ANKRD42: variants seen among roughly 807,000 people sequenced by gnomAD.
ANKRD42 encodes ankyrin repeat domain 42.
ANKRD42 carries 43 observed loss-of-function variants against 51.5 expected under a neutral mutation model. The observed-to-expected ratio is 0.83, with a 90% CI of 0.65 to 1.08. The LOEUF (loss-of-function observed/expected upper bound fraction) is 1.08. Among genes scored for constraint, ANKRD42 ranks in the 50% least tolerant of loss-of-function variants. The pLI is 0.00. For synonymous variants in ANKRD42, 203 were observed against 213.0 expected (o/e 0.95, Z 0.41); for missense variants, 608 against 629.3 (o/e 0.97, Z 0.36).
intron 4 of ANKRD42, 109 bp from the exon 5 acceptor site, chr11:83,211,186 C>G: frequency 7.1e-7 from 1 of 1,402,970 alleles, no homozygotes; most frequent in Non-Finnish European, 1.0e-6. Flanking sequence ...TGTTTGCCTT[C>G]TTGTATTAAG....
chr11:83,213,188 G>A, intron 5 of ANKRD42: 1 of 1,600,898 alleles, frequency 6.2e-7, no homozygotes. Context: ...GGTTGTGGGA[G>A]CGACAAAAAA....
intron 1 of ANKRD42, among the ~76,000 whole-genome samples, chr11:83,195,612 C>G (rs1861616340): frequency 6.6e-6 from 1 of 152,126 alleles, no homozygotes; most frequent in Non-Finnish European, 1.5e-5. Context: ...TGTTTGCTGT[C>G]TCAACTAATG....
In ANKRD42 at chr11:83,194,247, G is replaced by T. The variant is rs1309173711; in HGVS notation, c.-424G>T. 1 of 465,258 alleles carries T rather than the reference G, an allele frequency of 2.1e-6. No individual in the cohort carries two copies. The highest frequency in any genetic ancestry group is 4.3e-6 in the Non-Finnish European group (1 of 233,042). The allele number at this position is 465,258 out of a possible 1,614,324, so 28.8% of individuals were successfully genotyped here. A position where few individuals can be genotyped will look rare whatever the true frequency, so the allele number is the denominator to read the frequency against. On this transcript the variant is annotated 5_prime_UTR_variant, in exon 1 of 11. Transcript: ENST00000533342. ...GAGGCCTCCGCCTCAGTGGTCCTTG[G>T]GAGGGAGTCAGTGACATTCGGGACC...
chr11:83,249,862 A>C (rs554838637), downstream of ANKRD42, among the ~76,000 whole-genome samples: 4 of 152,220 alleles, frequency 2.6e-5, no homozygotes, highest in Admixed American at 2.0e-4. Flanking sequence ...GAGGAATAAT[A>C]ATACCTACCT....
intron 5 of ANKRD42, among the ~76,000 whole-genome samples, chr11:83,223,835 C>A (rs937493750): frequency 2.0e-5 from 3 of 152,042 alleles, no homozygotes; most frequent in Non-Finnish European, 4.4e-5. Flanking sequence ...TCTCCATAAT[C>A]AAGATATGTG....
chr11:83,249,291 G>A (rs1367576890), downstream of ANKRD42, among the ~76,000 whole-genome samples: 1 of 152,044 alleles, frequency 6.6e-6, no homozygotes, highest in African/African-American at 2.4e-5. Flanking sequence ...CTGTAGCCTC[G>A]AACTCCCTAG....
chr11:83,243,556 A>AT (rs1231150236), intron 9 of ANKRD42, among the ~76,000 whole-genome samples: 2 of 152,134 alleles, frequency 1.3e-5, no homozygotes, highest in Non-Finnish European at 2.9e-5. Flanking sequence ...CTTTTCTGAC[A>AT]TTTTTTATCT....
chr11:83,224,811 T>C (rs894440582), intron 5 of ANKRD42, 44 bp from the exon 6 acceptor site: 1 of 1,449,256 alleles, frequency 6.9e-7, no homozygotes. Context: ...ACATAAAAAT[T>C]TTAAAAAATA....
At chr11:83,245,700 A>C in intron 10 of ANKRD42, 76 bp downstream of exon 10, 1 of 1,423,174 alleles carries the variant, frequency 7.0e-7, no homozygotes. Flanking sequence ...TTGATCAGCA[A>C]CTTTTACTTT....
At chr11:83,210,859 T>A (rs900373561) in intron 4 of ANKRD42, among the ~76,000 whole-genome samples, 1 of 152,248 alleles carries the variant, frequency 6.6e-6, no homozygotes, top group Non-Finnish European at 1.5e-5. Flanking sequence ...GTAGTGGTTG[T>A]AATAAATAAC....
At position 83,217,015 on chromosome 11, in the gene ANKRD42, A is replaced by G. The variant is rs146458464; in HGVS notation, c.586+5585A>G. On this transcript the variant is annotated intron_variant, in intron 5 of 10. Transcript: ENST00000533342. ...AGGCCAGTCGGAGACCAACAGGTCA[A>G]TCTGGGGGTCCTCGGTAGAAGCTGT... 4.1e-3 allele frequency among the ~76,000 whole-genome samples: 621 copies of G among 151,040 alleles called. 4 individuals carry two copies. The highest frequency in any genetic ancestry group is 0.014 in the African/African-American group (586 of 41,216).
In ANKRD42 at chr11:83,248,108, A is replaced by G; in HGVS notation, c.1488A>G (p.Thr496=). The change falls in exon 11 of 11, where the codon ACA becomes ACG. Residue 496 remains threonine (T), a synonymous_variant. Coordinates refer to ENST00000533342, the MANE Select transcript of ANKRD42 (RefSeq NM_001300975.2). ...CTATGGTTGGTGTCCTTTTTAATAC[A>G]TTTATTTTTCTCAAGAAGTATATAC... is the stretch of plus-strand genomic sequence containing the variant. The part of the protein sequence containing the change: ...FVAMVGVLFN[T]FIFLKKYIQE... The G allele has an allele frequency of 6.4e-7, 1 of 1,551,412 alleles. No individual in the cohort carries two copies. Among genetic ancestry groups the G allele is most frequent in the Non-Finnish European group, 8.7e-7 (1 of 1,148,510 alleles).
chr11:83,208,218 G>A (rs1051054277), intron 3 of ANKRD42, among the ~76,000 whole-genome samples: 4 of 148,826 alleles, frequency 2.7e-5, no homozygotes, highest in Non-Finnish European at 4.4e-5. Context: ...TCTGTGGGAG[G>A]GGGGGGTCTC....
chr11:83,231,038 T>G (rs1213357703), intron 7 of ANKRD42, among the ~76,000 whole-genome samples: 1 of 152,236 alleles, frequency 6.6e-6, no homozygotes, highest in Non-Finnish European at 1.5e-5. Context: ...AGATGTCTCT[T>G]TGATATACCC....
rs372799048 is a variant in ANKRD42 at position 83,248,022 on chromosome 11, C to T, written c.1402C>T (p.Arg468Ter). 9.6e-5 allele frequency: 155 copies of T among 1,610,986 alleles called. 2 individuals are homozygous for T. Among genetic ancestry groups the T allele is most frequent in the Non-Finnish European group, 1.3e-4 (149 of 1,178,448 alleles). ...EKLECQLDEY[R>*]AEVDQLRETL... Reference sequence around the variant, plus strand: ...ATTAGAATGTCAGCTTGATGAATATCGAGCAGAAGTTGATCAACTCAGGGA... The same window carrying T: ...ATTAGAATGTCAGCTTGATGAATATTGAGCAGAAGTTGATCAACTCAGGGA... The change falls in exon 11 of 11, where the codon CGA becomes TGA. Residue 468 changes from arginine (R) to a stop codon, truncating the protein, a stop_gained. Coordinates refer to ENST00000533342, the MANE Select transcript of ANKRD42 (RefSeq NM_001300975.2). LOFTEE classifies it low-confidence loss of function (END_TRUNC).
chr11:83,207,894 C>T lies in ANKRD42; in HGVS notation c.330+1729C>T, dbSNP rs528427317. 4.6e-5 allele frequency among the ~76,000 whole-genome samples: 7 copies of T among 152,218 alleles called. No individual in the cohort carries two copies. In the South Asian group the frequency reaches 6.2e-4, roughly 14 times the overall value. The stretch of plus-strand genomic sequence containing the variant: ...TTGTGGTGTGGACTGTTAAGAACCA[C>T]GCTTGGATAGACTGGTTTTGTAAAG... On this transcript the variant is annotated intron_variant, in intron 3 of 10. Coordinates refer to ENST00000533342, the MANE Select transcript of ANKRD42 (RefSeq NM_001300975.2).
At chr11:83,198,436 C>G in intron 1 of ANKRD42, 43 bp from the exon 2 acceptor site, 1 of 1,502,856 alleles carries the variant, frequency 6.7e-7, no homozygotes, top group Non-Finnish European at 8.9e-7. Flanking sequence ...TTTTTTCTTT[C>G]ATAGTTTTGT....
intron 1 of ANKRD42, among the ~76,000 whole-genome samples, chr11:83,195,574 A>G (rs1861614354): frequency 6.6e-6 from 1 of 152,128 alleles, no homozygotes; most frequent in East Asian, 1.9e-4. Flanking sequence ...ATGTAATTTT[A>G]TATCTATATA....
chr11:83,248,296 TACACACACACACACACACACACAC>T lies in ANKRD42; in HGVS notation c.*109_*132del. ...AGAGCTGATGACAGGATTAAAGGAATACACACACACACACACACACACACACACACACACACACACTCTATATGT... is the reference window on the plus strand; with the variant it reads ...AGAGCTGATGACAGGATTAAAGGAATACACACACACACACACTCTATATGT... On this transcript the variant is annotated 3_prime_UTR_variant, in exon 11 of 11. Coordinates refer to ENST00000533342, the MANE Select transcript of ANKRD42 (RefSeq NM_001300975.2). 1.5e-6 allele frequency: 2 copies of T among 1,299,848 alleles called. No homozygotes were observed. Among genetic ancestry groups the T allele is most frequent in the Non-Finnish European group, 2.0e-6 (2 of 1,010,124 alleles). The allele number at this position is 1,299,848 out of a possible 1,614,324, so 80.5% of individuals were successfully genotyped here. A position where few individuals can be genotyped will look rare whatever the true frequency, so the allele number is the denominator to read the frequency against.
Sources: gnomAD v4.1 joint callset for allele counts (sites outside exome capture counted in the v4.1 genomes callset) on GRCh38, gnomAD v4.1.1 for gene constraint, MANE v1.5 for transcripts, NCBI Gene and HGNC (gene_info 2026-07-23, HGNC 2026-07-21) for gene names.